SEMA6D: variants seen among roughly 807,000 people sequenced by gnomAD.
SEMA6D encodes semaphorin-6D.
SEMA6D carries 35 observed loss-of-function variants against 106.6 expected under a neutral mutation model. That is an observed-to-expected ratio of 0.33 (90% CI 0.25 to 0.44). SEMA6D has a LOEUF of 0.44. Ranked by LOEUF, SEMA6D falls within the 20% of genes least tolerant of loss-of-function variation. The pLI is 1.00. For synonymous variants in SEMA6D, 499 were observed against 487.7 expected (o/e 1.02, Z -0.31); for missense variants, 1,185 against 1,345.9 (o/e 0.88, Z 1.87).
At chr15:47,275,368 T>C (rs528344711) in intron 1 of SEMA6D, among the ~76,000 whole-genome samples, 1 of 152,280 alleles carries the variant, frequency 6.6e-6, no homozygotes, top group Non-Finnish European at 1.5e-5. Flanking sequence ...TTATTGCACT[T>C]TGCAGATGTT....
chr15:47,367,675 C>G (rs1209713941), intron 1 of SEMA6D, among the ~76,000 whole-genome samples: 1 of 79,344 alleles, frequency 1.3e-5, no homozygotes, highest in African/African-American at 5.0e-5. Flanking sequence ...CACGCACGCT[C>G]ACACGCGCGC....
In SEMA6D at chr15:47,766,792, A is replaced by C. The variant is rs972544357; in HGVS notation, c.1708+115A>C. 3.9e-5 allele frequency: 29 copies of C among 742,404 alleles called. No individual in the cohort carries two copies. The African/African-American group carries it at 5.0e-4, about 13-fold the overall frequency. 46.0% of individuals were successfully genotyped at this position (742,404 alleles called of 1,614,324 possible). A position where few individuals can be genotyped will look rare whatever the true frequency, so the allele number is the denominator to read the frequency against. On this transcript the variant is annotated intron_variant, in intron 16 of 18. Transcript: ENST00000536845. The stretch of plus-strand genomic sequence containing the variant: ...TCAGGACACATACCACCTAGCATTT[A>C]ACTTAAACTTCGCAAAAGCTGAGCT...
chr15:47,364,746 G>T (rs1320849938), intron 1 of SEMA6D, among the ~76,000 whole-genome samples: 2 of 125,962 alleles, frequency 1.6e-5, no homozygotes, highest in Non-Finnish European at 3.3e-5. Context: ...CCCTCCCCTC[G>T]TCCCCCTACT....
chr15:47,395,252 G>C (rs554482928), intron 1 of SEMA6D, among the ~76,000 whole-genome samples: 1 of 152,256 alleles, frequency 6.6e-6, no homozygotes, highest in African/African-American at 2.4e-5. Context: ...GAGTACTCTT[G>C]GGATTTCAAA....
chr15:47,295,939 G>A (rs1274332550), intron 1 of SEMA6D, among the ~76,000 whole-genome samples: 1 of 152,144 alleles, frequency 6.6e-6, no homozygotes, highest in Non-Finnish European at 1.5e-5. Flanking sequence ...GCCCAGTGCT[G>A]CCTCCATGAC....
chr15:47,636,221 C>A (rs2077386267), intron 4 of SEMA6D, among the ~76,000 whole-genome samples: 1 of 152,084 alleles, frequency 6.6e-6, no homozygotes, highest in Non-Finnish European at 1.5e-5. Context: ...TACGAAAATA[C>A]AAAATAAGAG....
chr15:47,438,282 T>G (rs1407969520), intron 2 of SEMA6D, among the ~76,000 whole-genome samples: 2 of 152,042 alleles, frequency 1.3e-5, no homozygotes, highest in African/African-American at 4.8e-5. Context: ...TACCATCATC[T>G]CTTGATTGTA....
intron 4 of SEMA6D, among the ~76,000 whole-genome samples, chr15:47,660,111 T>C (rs1232720626): frequency 6.6e-6 from 1 of 151,774 alleles, no homozygotes; most frequent in Non-Finnish European, 1.5e-5. Flanking sequence ...TATTAACACT[T>C]TAAAAAGGAG....
At chr15:47,683,995 G>A (rs962861174) in intron 4 of SEMA6D, among the ~76,000 whole-genome samples, 3 of 152,182 alleles carry the variant, frequency 2.0e-5, no homozygotes, top group Non-Finnish European at 2.9e-5. Context: ...TTAAAGGATG[G>A]ATTATGTTTT....
rs527966807 is a variant in SEMA6D, at chr15:47,659,477, A to T, written c.-55+58581A>T. Among the ~76,000 whole-genome samples the T allele has an allele frequency of 1.2e-4, 19 of 152,110 alleles. No individual in the cohort carries two copies. In the South Asian group the frequency reaches 3.9e-3, roughly 31 times the overall value. ...AGATATATGAATCAAATGTTAAAAAAAATTAAAGTATTATAAGAATAAATA... is the reference window on the plus strand; with the variant it reads ...AGATATATGAATCAAATGTTAAAAATAATTAAAGTATTATAAGAATAAATA... On this transcript the variant is annotated intron_variant, in intron 4 of 19. Coordinates refer to the SEMA6D transcript ENST00000558014.
At chr15:47,418,170 A>G (rs2041038738) in intron 2 of SEMA6D, among the ~76,000 whole-genome samples, 2 of 152,108 alleles carry the variant, frequency 1.3e-5, no homozygotes, top group Non-Finnish European at 2.9e-5. Flanking sequence ...GAAGGAAGTG[A>G]GACAGCAAGC....
chr15:47,270,481 C>G (rs1293422123), intron 1 of SEMA6D, among the ~76,000 whole-genome samples: 1 of 151,576 alleles, frequency 6.6e-6, no homozygotes. Flanking sequence ...ATGGCAGTGG[C>G]CTCTAGTAAA....
rs1179318760 is a variant in SEMA6D, at chr15:47,428,499, G to A, written c.-159+16027G>A. ...GGGTAAAATGGGGCAAGGTGCAGTG[G>A]GTCACACCTGTAATCCCAGCACTTT... is the stretch of plus-strand genomic sequence containing the variant. On this transcript the variant is annotated intron_variant, in intron 2 of 19. Transcript: ENST00000558014. Among the ~76,000 whole-genome samples, 8 of 34,974 alleles carry A rather than the reference G, an allele frequency of 2.3e-4. 3 individuals are homozygous for A. 22.9% of individuals were successfully genotyped at this position (34,974 alleles called of 152,430 possible).
chr15:47,445,396 T>C (rs961169270), intron 2 of SEMA6D, among the ~76,000 whole-genome samples: 11 of 152,020 alleles, frequency 7.2e-5, no homozygotes, highest in African/African-American at 2.7e-4. Flanking sequence ...ATACTGTCCT[T>C]AAAGAAAACT....
intron 3 of SEMA6D, among the ~76,000 whole-genome samples, chr15:47,538,225 A>G (rs1463855968): frequency 6.6e-6 from 1 of 152,190 alleles, no homozygotes. Context: ...TCCTAATTAC[A>G]GTCAGTTGTT....
At chr15:47,405,556 A>T (rs528706335) in intron 1 of SEMA6D, among the ~76,000 whole-genome samples, 1 of 152,282 alleles carries the variant, frequency 6.6e-6, no homozygotes, top group South Asian at 2.1e-4. Flanking sequence ...CAGCCTATAA[A>T]ATGAATCAGT....
intron 1 of SEMA6D, among the ~76,000 whole-genome samples, chr15:47,353,065 TTG>T (rs34746221): frequency 0.46 from 69,579 of 151,410 alleles, 18,885 homozygotes; most frequent in South Asian, 0.6. Flanking sequence ...GTAGTTTATT[TTG>T]TGTGTGTGTG....
At chr15:47,425,141 C>T (rs2041289701) in intron 2 of SEMA6D, among the ~76,000 whole-genome samples, 1 of 152,054 alleles carries the variant, frequency 6.6e-6, no homozygotes, top group African/African-American at 2.4e-5. Context: ...AAAAGTCTGT[C>T]ATATTGTGGT....
At chr15:47,341,656 A>G (rs1308091090) in intron 1 of SEMA6D, among the ~76,000 whole-genome samples, 1 of 152,216 alleles carries the variant, frequency 6.6e-6, no homozygotes, top group Non-Finnish European at 1.5e-5. Context: ...CTATAAAATT[A>G]TAAATAAATA....
Sources: allele counts gnomAD v4.1 joint callset (sites outside exome capture counted in the v4.1 genomes callset), GRCh38; gene constraint gnomAD v4.1.1; transcripts MANE v1.5; gene names NCBI Gene and HGNC (gene_info 2026-07-23, HGNC 2026-07-21).